Variants in AHI1 observed in about 807,000 individuals in gnomAD.
The protein encoded by AHI1 is Abelson helper integration site 1.
Under a neutral mutation model 149.3 loss-of-function variants are expected in AHI1, and 123 were observed. The ratio of observed to expected loss-of-function variants is 0.82; its 90% CI spans 0.71 to 0.96. The LOEUF (loss-of-function observed/expected upper bound fraction) is 0.96. AHI1 is among the 40% of genes least tolerant of loss of function. The pLI, the probability that AHI1 is intolerant of heterozygous loss-of-function variation, is 0.00. For synonymous variants in AHI1, 475 were observed against 459.8 expected (o/e 1.03, Z -0.42); for missense variants, 1,439 against 1,422.7 (o/e 1.01, Z -0.18).
intron 23 of AHI1, among the ~76,000 whole-genome samples, chr6:135,374,152 T>C (rs1775549196): frequency 7.2e-6 from 1 of 139,480 alleles, no homozygotes; most frequent in Non-Finnish European, 1.5e-5. Flanking sequence ...CTTGCTCTGT[T>C]GCCTAGGCTG....
rs766703420 is a variant in AHI1 at position 135,466,151 on chromosome 6, T to A, written c.412A>T (p.Thr138Ser). The A allele has an allele frequency of 6.2e-7, 1 of 1,613,976 alleles. No individual in the cohort carries two copies. The highest frequency in any genetic ancestry group is 8.5e-7 in the Non-Finnish European group (1 of 1,179,878). ...GGAGTTTCCGGTTTCAGGTCTTGTGTAGTCAACTGGGGCACCGTCTTTATC... is the reference window on the plus strand; with the variant it reads ...GGAGTTTCCGGTTTCAGGTCTTGTGAAGTCAACTGGGGCACCGTCTTTATC... Reference protein sequence around the residue: ...KVIKTVPQLTTQDLKPETPEN... With the variant: ...KVIKTVPQLTSQDLKPETPEN... The change falls in exon 7 of 29, where the codon ACA becomes TCA. Residue 138 changes from threonine (T) to serine (S), a missense_variant. Physicochemically the swap from Thr to Ser is moderately conservative, Grantham distance 58. Transcript: ENST00000265602.
At chr6:135,399,963 T>C (rs1174488576) in intron 22 of AHI1, among the ~76,000 whole-genome samples, 1 of 152,080 alleles carries the variant, frequency 6.6e-6, no homozygotes, top group Non-Finnish European at 1.5e-5. Flanking sequence ...TAAACTCGTG[T>C]CACAGGGACT....
chr6:135,492,665 T>G (rs2128136717), intron 3 of AHI1: 1 of 985,430 alleles, frequency 1.0e-6, no homozygotes. Context: ...TTGACTTTCC[T>G]AAGAGCATTC....
rs549163873 is a variant in AHI1, at chr6:135,294,003, T to A, written c.3486-3478A>T. On this transcript the variant is annotated intron_variant, in intron 27 of 28. Transcript: ENST00000265602. ...CAAAACTACTCAGTAATTAAAATAA[T>A]GTGGTAGTAGCATAAAGACAGAGGA... 7.2e-5 allele frequency among the ~76,000 whole-genome samples: 11 copies of A among 152,216 alleles called. No homozygotes were observed. In the South Asian group the frequency reaches 2.3e-3, roughly 32 times the overall value.
chr6:135,301,189 A>G, intron 26 of AHI1: 1 of 982,938 alleles, frequency 1.0e-6, no homozygotes, highest in Non-Finnish European at 1.2e-6. Flanking sequence ...TATATAATCT[A>G]TAAATCAACC....
chr6:135,383,363 G>C (rs1444559167), intron 23 of AHI1, among the ~76,000 whole-genome samples: 1 of 150,372 alleles, frequency 6.7e-6, no homozygotes, highest in Admixed American at 6.7e-5. Context: ...TTCTGAGTAG[G>C]TGGGACCACA....
At chr6:135,341,184 A>C (rs949993157) in intron 24 of AHI1, among the ~76,000 whole-genome samples, 9 of 152,096 alleles carry the variant, frequency 5.9e-5, no homozygotes, top group Non-Finnish European at 8.8e-5. Flanking sequence ...AATGGATAAA[A>C]TAAATAATCC....
intron 25 of AHI1, among the ~76,000 whole-genome samples, chr6:135,319,451 G>A (rs954362479): frequency 6.6e-6 from 1 of 152,168 alleles, no homozygotes; most frequent in Non-Finnish European, 1.5e-5. Flanking sequence ...CTCCAGCCTG[G>A]GAGACAGGGC....
Position 135,285,519 on chromosome 6 carries a change from C to G in AHI1, c.*126G>C. On this transcript the variant is annotated 3_prime_UTR_variant, in exon 29 of 29. Transcript: ENST00000265602. Reference sequence around the variant, plus strand: ...ATTTTTCTAGAGTCATTCATAAGAACAAGAAGTAGTGGATCCTTTCTTCCT... The same window carrying G: ...ATTTTTCTAGAGTCATTCATAAGAAGAAGAAGTAGTGGATCCTTTCTTCCT... 1 of 998,670 alleles carries G rather than the reference C, an allele frequency of 1.0e-6. No individual in the cohort carries two copies. The highest frequency in any genetic ancestry group is 1.5e-6 in the Non-Finnish European group (1 of 654,440). 61.9% of individuals were successfully genotyped at this position (998,670 alleles called of 1,614,324 possible).
At chr6:135,429,665 T>C (rs927511815) in intron 18 of AHI1, among the ~76,000 whole-genome samples, 1 of 151,508 alleles carries the variant, frequency 6.6e-6, no homozygotes, top group Non-Finnish European at 1.5e-5. Context: ...AGGGGGACTG[T>C]CCTATGGGCT....
chr6:135,451,238 C>T (rs961838026), intron 11 of AHI1, among the ~76,000 whole-genome samples: 2 of 152,106 alleles, frequency 1.3e-5, no homozygotes, highest in African/African-American at 4.8e-5. Flanking sequence ...CTCAAGTGAT[C>T]GGCCCACCTC....
chr6:135,426,250 C>T (rs1783898758), intron 20 of AHI1, among the ~76,000 whole-genome samples: 2 of 151,664 alleles, frequency 1.3e-5, no homozygotes, highest in Non-Finnish European at 3.0e-5. Context: ...TAACAGTGTT[C>T]TATAAATCTG....
At chr6:135,493,359 G>C (rs1005887582) in intron 3 of AHI1, among the ~76,000 whole-genome samples, 2 of 152,150 alleles carry the variant, frequency 1.3e-5, no homozygotes, top group Non-Finnish European at 2.9e-5. Context: ...TCCTCTTGCA[G>C]AAATGTCTAA....
intron 24 of AHI1, 143 bp from the exon 25 acceptor site, chr6:135,323,467 G>T: frequency 1.4e-6 from 1 of 722,176 alleles, no homozygotes; most frequent in Non-Finnish European, 2.2e-6. Flanking sequence ...GTTTGCTAAT[G>T]GGATGAGGGG....
At chr6:135,435,079 C>T (rs1455164708) in intron 15 of AHI1, 3 of 152,182 alleles carry the variant, frequency 2.0e-5, no homozygotes, top group Non-Finnish European at 4.4e-5. Context: ...GAAATTCATA[C>T]TTCTGCCACT....
At chr6:135,489,937 G>T in intron 5 of AHI1, 1 of 365,046 alleles carries the variant, frequency 2.7e-6, no homozygotes, top group Non-Finnish European at 4.9e-6. Flanking sequence ...ACAAGAGCCT[G>T]TTTATTTTTT....
At chr6:135,304,740 C>CA (rs1339943186) in intron 26 of AHI1, among the ~76,000 whole-genome samples, 12 of 152,178 alleles carry the variant, frequency 7.9e-5, no homozygotes, top group African/African-American at 2.4e-4. Flanking sequence ...CACGGCACTC[C>CA]AACCTGTGAG....
At chr6:135,422,930 A>C (rs1235698344) in intron 20 of AHI1, among the ~76,000 whole-genome samples, 1 of 152,146 alleles carries the variant, frequency 6.6e-6, no homozygotes, top group Non-Finnish European at 1.5e-5. Flanking sequence ...TTTTAAATTT[A>C]CTTCATGATC....
chr6:135,396,626 T>C (rs751451125), intron 22 of AHI1, among the ~76,000 whole-genome samples: 3 of 151,848 alleles, frequency 2.0e-5, no homozygotes, highest in Non-Finnish European at 4.4e-5. Flanking sequence ...CAGAGTTCTG[T>C]GCTTTCAAAT....
Sources: gnomAD v4.1 joint callset for allele counts (sites outside exome capture counted in the v4.1 genomes callset) on GRCh38, gnomAD v4.1.1 for gene constraint, MANE v1.5 for transcripts, NCBI Gene and HGNC (gene_info 2026-07-23, HGNC 2026-07-21) for gene names.